PDK1: variants seen among roughly 807,000 people sequenced by gnomAD.
PDK1 encodes [Pyruvate dehydrogenase (acetyl-transferring)] kinase isozyme 1, mitochondrial.
PDK1 carries 39 observed loss-of-function variants against 54.2 expected under a neutral mutation model. The observed-to-expected ratio is 0.72, with a 90% CI of 0.56 to 0.94. The LOEUF (loss-of-function observed/expected upper bound fraction) is 0.94, where lower values mean the gene tolerates loss of function less well. Ranked by LOEUF, PDK1 falls within the 40% of genes least tolerant of loss-of-function variation. The pLI is 0.00. For synonymous variants in PDK1, 221 were observed against 207.1 expected, an observed-to-expected ratio of 1.07 and a Z score of -0.58; for missense variants, 552 against 566.0, an observed-to-expected ratio of 0.98 and a Z score of 0.25.
chr2:172,600,314 T>A lies in PDK1; in HGVS notation c.*4345T>A, dbSNP rs1226399322. The A allele has an allele frequency of 1.3e-5, 2 of 152,152 alleles. No homozygotes were observed. Among genetic ancestry groups the A allele is most frequent in the East Asian group, 3.9e-4 (2 of 5,194 alleles). 9.4% of individuals were successfully genotyped at this position (152,152 alleles called of 1,614,324 possible). On this transcript the variant is annotated 3_prime_UTR_variant, in exon 11 of 11. Transcript: ENST00000282077. ...ATACAGTATGGTATGAAATTATTTG[T>A]CCAAAACTGTACTCCAGAAATGGAG... is the stretch of plus-strand genomic sequence containing the variant.
the PDK1 span, among the ~76,000 whole-genome samples, chr2:172,714,600 A>G: frequency 4.6e-4 from 66 of 143,784 alleles, no homozygotes; most frequent in Non-Finnish European, 8.6e-4. Context: ...TAACAAATAA[A>G]TGTATTATTA....
At chr2:172,650,504 G>A in the PDK1 span, among the ~76,000 whole-genome samples, 1 of 152,084 alleles carries the variant, frequency 6.6e-6, no homozygotes, top group East Asian at 1.9e-4. Flanking sequence ...AAATGTAAAT[G>A]GGCTAAATGC....
At chr2:172,616,253 G>T in the PDK1 span, among the ~76,000 whole-genome samples, 19 of 152,122 alleles carry the variant, frequency 1.2e-4, no homozygotes, top group East Asian at 1.2e-3. Context: ...ACCCCTAGAC[G>T]TACATTCTAG....
At chr2:172,614,160 G>T in the PDK1 span, among the ~76,000 whole-genome samples, 20 of 136,408 alleles carry the variant, frequency 1.5e-4, no homozygotes, top group African/African-American at 5.8e-4. Flanking sequence ...GCCCTCAGGG[G>T]TCCCAGGAAG....
chr2:172,565,937 C>A (rs1688916401), intron 5 of PDK1, among the ~76,000 whole-genome samples: 2 of 152,108 alleles, frequency 1.3e-5, no homozygotes, highest in African/African-American at 4.8e-5. Context: ...TTTTCTGTTA[C>A]CACCAATACC....
At chr2:172,558,110 G>GT (rs1263541601) in intron 1 of PDK1, 3 of 152,452 alleles carry the variant, frequency 2.0e-5, no homozygotes, top group African/African-American at 7.2e-5. Context: ...GATTATAGGC[G>GT]TGAACCACTG....
At chr2:172,637,050 CTG>C in the PDK1 span, among the ~76,000 whole-genome samples, 2 of 152,204 alleles carry the variant, frequency 1.3e-5, no homozygotes, top group African/African-American at 2.4e-5. Context: ...GTTTATATAA[CTG>C]TTTATGTTAT....
the PDK1 span, among the ~76,000 whole-genome samples, chr2:172,649,224 C>G: frequency 6.6e-6 from 1 of 152,208 alleles, no homozygotes; most frequent in Admixed American, 6.5e-5. Context: ...GCAAACAGCA[C>G]CTGGAGTGGA....
chr2:172,590,865 G>C (rs1022307433), intron 9 of PDK1, among the ~76,000 whole-genome samples: 1 of 151,952 alleles, frequency 6.6e-6, no homozygotes, highest in African/African-American at 2.4e-5. Context: ...TAGCTAGACA[G>C]AAAAGTTCTC....
intron 9 of PDK1, 52 bp from the exon 10 acceptor site, chr2:172,592,883 G>A (rs1690680933): frequency 2.1e-6 from 2 of 964,520 alleles, no homozygotes; most frequent in Non-Finnish European, 3.4e-6. Flanking sequence ...AATTAGAAAA[G>A]TATTTCAGTG....
chr2:172,604,733 G>C lies in PDK1; in HGVS notation c.*8764G>C, dbSNP rs1558966182. The C allele has an allele frequency of 6.6e-6, 1 of 152,192 alleles. No individual in the cohort carries two copies. The highest frequency in any genetic ancestry group is 1.5e-5 in the Non-Finnish European group (1 of 68,046). The allele number at this position is 152,192 out of a possible 1,614,324, so 9.4% of individuals were successfully genotyped here. On this transcript the variant is annotated 3_prime_UTR_variant, in exon 11 of 11. Transcript: ENST00000282077. ...CCTCTTGTCTAGCCCTCTCCATTTA[G>C]ACTTGGAAGGGTCAGCAGTAAAATT...
At chr2:172,702,372 G>A in the PDK1 span, among the ~76,000 whole-genome samples, 2 of 152,158 alleles carry the variant, frequency 1.3e-5, no homozygotes, top group Admixed American at 6.5e-5. Context: ...AGCTACTCGG[G>A]AGGCTGGGGC....
rs1019121257 is a variant in PDK1 at position 172,604,372 on chromosome 2, C to T, written c.*8403C>T. The T allele has an allele frequency of 6.6e-6, 1 of 152,162 alleles. No homozygotes were observed. The highest frequency in any genetic ancestry group is 2.4e-5 in the African/African-American group (1 of 41,436). 9.4% of individuals were successfully genotyped at this position (152,162 alleles called of 1,614,324 possible). On this transcript the variant is annotated 3_prime_UTR_variant, in exon 11 of 11. Coordinates refer to ENST00000282077, the MANE Select transcript of PDK1 (RefSeq NM_002610.5). ...CCTGGCCAGACATAGCATATATCTT[C>T]CTTTACATAGATTGCCTTTGATTTC...
chr2:172,592,341 C>T (rs1350998382), intron 9 of PDK1, among the ~76,000 whole-genome samples: 1 of 152,102 alleles, frequency 6.6e-6, no homozygotes, highest in African/African-American at 2.4e-5. Context: ...TTTCTGACTC[C>T]TCTTTGTCTC....
intron 9 of PDK1, 70 bp downstream of exon 9, chr2:172,586,458 G>C (rs1690235677): frequency 1.1e-6 from 1 of 909,378 alleles, no homozygotes. Flanking sequence ...TGCCAAATAA[G>C]TAAGTTAAGC....
At chr2:172,659,245 G>A in the PDK1 span, among the ~76,000 whole-genome samples, 1 of 152,146 alleles carries the variant, frequency 6.6e-6, no homozygotes, top group African/African-American at 2.4e-5. Context: ...AATACGGGGG[G>A]CGGTTTCCCC....
At chr2:172,633,867 A>ATTTTTTTT in the PDK1 span, among the ~76,000 whole-genome samples, 6 of 68,842 alleles carry the variant, frequency 8.7e-5, 1 homozygote, top group African/African-American at 1.8e-4. Flanking sequence ...TTAGTCTATG[A>ATTTTTTTT]TTTTTTTTTT....
chr2:172,701,907 G>C, the PDK1 span, among the ~76,000 whole-genome samples: 2 of 151,906 alleles, frequency 1.3e-5, no homozygotes, highest in African/African-American at 2.4e-5. Context: ...ATTCCCTTTA[G>C]TATTGCGTTT....
intron 9 of PDK1, among the ~76,000 whole-genome samples, chr2:172,591,283 TAA>T (rs1378365167): frequency 2.0e-5 from 3 of 152,114 alleles, no homozygotes. Flanking sequence ...GAGGTTGGTA[TAA>T]GAGTTTGAAA....
Sources: gnomAD v4.1 joint callset for allele counts (sites outside exome capture counted in the v4.1 genomes callset) on GRCh38, gnomAD v4.1.1 for gene constraint, MANE v1.5 for transcripts, NCBI Gene and HGNC (gene_info 2026-07-23, HGNC 2026-07-21) for gene names.